Variants in RFX3 observed in about 807,000 individuals in gnomAD.
RFX3 encodes transcription factor RFX3.
In RFX3, 14 loss-of-function variants were observed where a neutral mutation model predicts 98.6. The observed-to-expected ratio is 0.14, with a 90% CI of 0.09 to 0.22. The LOEUF is 0.22. RFX3 is among the 10% of genes least tolerant of loss of function. The pLI, the probability that RFX3 is intolerant of heterozygous loss-of-function variation, is 1.00. For missense variants in RFX3, 639 were observed against 926.9 expected, an observed-to-expected ratio of 0.69 and a Z score of 4.03; for synonymous variants, 383 against 328.4, an observed-to-expected ratio of 1.17 and a Z score of -1.80.
chr9:3,345,268 C>T (rs533575641), intron 3 of RFX3, among the ~76,000 whole-genome samples: 4 of 152,048 alleles, frequency 2.6e-5, no homozygotes, highest in African/African-American at 7.2e-5. Flanking sequence ...AATGCTATTT[C>T]AGCAGAGAAA....
chr9:3,419,937 A>G (rs951943695), intron 1 of RFX3, among the ~76,000 whole-genome samples: 29 of 152,318 alleles, frequency 1.9e-4, no homozygotes, highest in South Asian at 1.2e-3. Flanking sequence ...TAAAATTCCA[A>G]CACAACCTCT....
chr9:3,337,568 A>C (rs2130995553), intron 3 of RFX3, among the ~76,000 whole-genome samples: 1 of 152,324 alleles, frequency 6.6e-6, no homozygotes, highest in Non-Finnish European at 1.5e-5. Context: ...TCATGTTTAC[A>C]GTGGCAGTAG....
chr9:3,358,572 C>G (rs1341168714), intron 2 of RFX3, among the ~76,000 whole-genome samples: 1 of 152,034 alleles, frequency 6.6e-6, no homozygotes, highest in Admixed American at 6.6e-5. Flanking sequence ...CACTACCTAC[C>G]AAGTTAACGA....
intron 1 of RFX3, among the ~76,000 whole-genome samples, chr9:3,510,630 A>C (rs189335199): frequency 2.0e-5 from 3 of 152,236 alleles, no homozygotes; most frequent in Non-Finnish European, 4.4e-5. Flanking sequence ...CTTTGATTTT[A>C]AGTACAAGGT....
chr9:3,350,825 T>C (rs1203449700), intron 2 of RFX3, among the ~76,000 whole-genome samples: 1 of 151,856 alleles, frequency 6.6e-6, no homozygotes, highest in African/African-American at 2.4e-5. Flanking sequence ...TATGACCAAG[T>C]GAAAGAAGGT....
chr9:3,495,795 G>A (rs1851070878), intron 1 of RFX3, among the ~76,000 whole-genome samples: 2 of 152,144 alleles, frequency 1.3e-5, no homozygotes, highest in South Asian at 2.1e-4. Flanking sequence ...GATAGCCACT[G>A]CCTAAACCAG....
At chr9:3,416,563 CCA>C (rs1843000605) in intron 1 of RFX3, among the ~76,000 whole-genome samples, 1 of 152,084 alleles carries the variant, frequency 6.6e-6, no homozygotes, top group Middle Eastern at 3.2e-3. Context: ...ATATGTACAC[CCA>C]ATATGATTCC....
chr9:3,377,719 G>A (rs367763284), intron 2 of RFX3, among the ~76,000 whole-genome samples: 64 of 152,208 alleles, frequency 4.2e-4, no homozygotes, highest in African/African-American at 1.5e-3. Context: ...GGAGAGGAAA[G>A]GTACTAATAA....
At chr9:3,397,302 T>C (rs1840995778) in intron 1 of RFX3, among the ~76,000 whole-genome samples, 1 of 152,240 alleles carries the variant, frequency 6.6e-6, no homozygotes, top group African/African-American at 2.4e-5. Context: ...CCTGGAGGAA[T>C]GGAGCAAGAG....
intron 15 of RFX3, among the ~76,000 whole-genome samples, chr9:3,237,467 T>A (rs1244510996): frequency 6.6e-6 from 1 of 152,218 alleles, no homozygotes; most frequent in South Asian, 2.1e-4. Flanking sequence ...AAAATGATGA[T>A]CTAATTATAT....
At chr9:3,310,575 T>C (rs184105851) in intron 4 of RFX3, among the ~76,000 whole-genome samples, 1 of 152,330 alleles carries the variant, frequency 6.6e-6, no homozygotes, top group Admixed American at 6.5e-5. Flanking sequence ...AATAGTACAA[T>C]GCTTTATGAA....
At chr9:3,383,941 T>G (rs1008430580) in intron 2 of RFX3, among the ~76,000 whole-genome samples, 1 of 152,182 alleles carries the variant, frequency 6.6e-6, no homozygotes, top group African/African-American at 2.4e-5. Flanking sequence ...GTACAATAAT[T>G]ATTTTTCAGG....
intron 4 of RFX3, among the ~76,000 whole-genome samples, chr9:3,311,807 C>T (rs570903025): frequency 1.1e-3 from 173 of 152,154 alleles, no homozygotes; most frequent in Non-Finnish European, 2.1e-3. Flanking sequence ...TCGCTTGAAT[C>T]TGGGAGGCAG....
rs1254411308 is a variant in RFX3 at position 3,494,141 on chromosome 9, G to C, written c.-9+31606C>G. Among the ~76,000 whole-genome samples the C allele has an allele frequency of 3.3e-5, 5 of 152,098 alleles. No homozygotes were observed. The South Asian group carries it at 6.2e-4, about 19-fold the overall frequency. On this transcript the variant is annotated intron_variant, in intron 1 of 16. Transcript: ENST00000617270. ...TCACTTTGTGGAATTAATCTTGTTA[G>C]AAGACACTATAGAAAAAAAGACTGG...
chr9:3,237,352 T>C (rs1269456412), intron 15 of RFX3, among the ~76,000 whole-genome samples: 1 of 152,238 alleles, frequency 6.6e-6, no homozygotes, highest in African/African-American at 2.4e-5. Context: ...CATTCAAAAA[T>C]TGTTTGCAGA....
chr9:3,319,239 C>T (rs1830983465), intron 4 of RFX3, among the ~76,000 whole-genome samples: 1 of 151,694 alleles, frequency 6.6e-6, no homozygotes, highest in Non-Finnish European at 1.5e-5. Context: ...ATGCAAGGGG[C>T]CCTTGCCCAC....
intron 15 of RFX3, among the ~76,000 whole-genome samples, chr9:3,236,008 C>CT (rs1003940588): frequency 1.5e-4 from 22 of 151,314 alleles, no homozygotes; most frequent in Admixed American, 4.0e-4. Flanking sequence ...AACCATATGA[C>CT]TTTTTTTTTC....
chr9:3,428,609 A>T (rs1844340178), intron 1 of RFX3, among the ~76,000 whole-genome samples: 1 of 152,188 alleles, frequency 6.6e-6, no homozygotes, highest in African/African-American at 2.4e-5. Context: ...AAATTCAGAA[A>T]ATCTCAAATG....
At chr9:3,264,327 T>C (rs375853119) in intron 12 of RFX3, among the ~76,000 whole-genome samples, 1 of 152,192 alleles carries the variant, frequency 6.6e-6, no homozygotes, top group East Asian at 1.9e-4. Flanking sequence ...TCTACAGGAA[T>C]GTATAGTATT....
Sources: allele counts gnomAD v4.1 joint callset (sites outside exome capture counted in the v4.1 genomes callset), GRCh38; gene constraint gnomAD v4.1.1; transcripts MANE v1.5; gene names NCBI Gene and HGNC (gene_info 2026-07-23, HGNC 2026-07-21).